PNPLA7: variants seen among roughly 807,000 people sequenced by gnomAD.
PNPLA7 encodes the protein patatin-like phospholipase domain-containing protein 7.
Under a neutral mutation model 161.7 loss-of-function variants are expected in PNPLA7, and 153 were observed. The ratio of observed to expected loss-of-function variants is 0.95; its 90% confidence interval spans 0.83 to 1.08. PNPLA7 has a LOEUF of 1.08. Among genes scored for constraint, PNPLA7 ranks in the 50% least tolerant of loss-of-function variants. The probability of loss-of-function intolerance (pLI) is 0.00; values close to 1 mark genes in which losing one functional copy is unlikely to be tolerated. For synonymous variants in PNPLA7, 809 were observed against 782.1 expected, an observed-to-expected ratio of 1.03 and a Z score of -0.57; for missense variants, 1,739 against 1,856.6, an observed-to-expected ratio of 0.94 and a Z score of 1.16.
intron 1 of PNPLA7, 85 bp downstream of exon 1, chr9:137,550,083 A>G (rs536483753): frequency 6.5e-7 from 1 of 1,545,594 alleles, no homozygotes; most frequent in South Asian, 1.1e-5. Context: ...AGCGCGGCAG[A>G]GCAGACGCCA....
In PNPLA7 at chr9:137,540,849, C is replaced by A. The variant is rs1235305428; in HGVS notation, c.667-127G>T. 1.3e-6 allele frequency: 1 copy of A among 777,714 alleles called. No individual in the cohort carries two copies. Among genetic ancestry groups the A allele is most frequent in the South Asian group, 1.5e-5 (1 of 65,930 alleles). The allele number at this position is 777,714 out of a possible 1,614,324, so 48.2% of individuals were successfully genotyped here. ...CACCTCTGAGGCGCCATGAGAGCAG[C>A]AGGCACCTTGGATGGAGGGCAGGGG... On this transcript the variant is annotated intron_variant, in intron 7 of 34. Transcript: ENST00000406427. The surrounding 1 kb of genome is among the most constrained non-coding windows in gnomAD (Gnocchi z 5.1).
At chr9:137,538,877 C>A (rs1386460731) in intron 8 of PNPLA7, among the ~76,000 whole-genome samples, 1 of 152,022 alleles carries the variant, frequency 6.6e-6, no homozygotes. Flanking sequence ...CATGGTGAAA[C>A]CCCGTCTGTA....
intron 4 of PNPLA7, among the ~76,000 whole-genome samples, chr9:137,545,784 T>C (rs916101194): frequency 1.1e-4 from 16 of 152,316 alleles, no homozygotes; most frequent in African/African-American, 2.4e-4. Context: ...AGCCTTCTGT[T>C]ATGCCCGGAC....
chr9:137,548,252 G>A (rs979089877), intron 1 of PNPLA7, among the ~76,000 whole-genome samples: 1 of 152,146 alleles, frequency 6.6e-6, no homozygotes, highest in Non-Finnish European at 1.5e-5. Flanking sequence ...AAGAGAAAAC[G>A]AGAAGACGAG....
chr9:137,470,378 A>ATCT (rs1831653634), intron 25 of PNPLA7, among the ~76,000 whole-genome samples: 3 of 152,158 alleles, frequency 2.0e-5, no homozygotes, highest in Admixed American at 1.3e-4. Context: ...AAAATTCACC[A>ATCT]GTGAAACCAT....
intron 12 of PNPLA7, chr9:137,509,365 A>G (rs34204672): frequency 0.68 from 114,005 of 168,266 alleles, 38,173 homozygotes; most frequent in East Asian, 0.86. Flanking sequence ...GAGTTTAGCT[A>G]GTACGAATGA....
At chr9:137,474,380 C>T (rs1831844628) in intron 25 of PNPLA7, among the ~76,000 whole-genome samples, 1 of 152,168 alleles carries the variant, frequency 6.6e-6, no homozygotes, top group South Asian at 2.1e-4. Flanking sequence ...GGCACTGCCA[C>T]TGCTGAGAGT....
In PNPLA7 at chr9:137,520,043, C is replaced by T; in HGVS notation, c.958G>A (p.Glu320Lys). ...LGLTTELFNA[E>K]SQAIPLVSVA... ...GACACGAGAGGGATGGCCTGGCTCT[C>T]CTGGGACACAAGAAGGAAGTTCAGT... The change falls in exon 11 of 35, where the codon GAG (glutamate) becomes AAG (lysine). Residue 320 changes from glutamate (E) to lysine (K), a missense_variant and splice_region_variant. Physicochemically the swap from Glu to Lys is moderately conservative, Grantham distance 56 (BLOSUM62 1). This residue lies in a region of PNPLA7 where 152 missense variants were observed against 193.5 expected (regional missense o/e 0.79). Coordinates refer to ENST00000406427, the MANE Select transcript of PNPLA7 (RefSeq NM_001098537.3). The surrounding 1 kb of genome is among the most constrained non-coding windows in gnomAD (Gnocchi z 5.2). 1 of 1,612,262 alleles carries T rather than the reference C, an allele frequency of 6.2e-7. No individual in the cohort carries two copies. The highest frequency in any genetic ancestry group is 8.5e-7 in the Non-Finnish European group (1 of 1,179,876).
rs954904877 is a variant in PNPLA7 at position 137,464,448 on chromosome 9, C to T, written c.3048G>A (p.Thr1016=). The T allele has an allele frequency of 3.0e-5, 48 of 1,613,622 alleles. No individual in the cohort carries two copies. Among genetic ancestry groups the T allele is most frequent in the Non-Finnish European group, 3.9e-5 (46 of 1,179,898 alleles). ...GGTCCAGCGCGGCCTTCATCAAGGA[C>T]GTCATGCCCTGGGGCCACATGTGGA... ...IRAKQWAEGM[T]SLMKAALDLT... is the part of the protein sequence containing the mutation. The change falls in exon 27 of 35, where the codon ACG becomes ACA. Residue 1016 remains threonine (T), a synonymous_variant. Transcript: ENST00000406427.
intron 8 of PNPLA7, among the ~76,000 whole-genome samples, chr9:137,536,769 T>C (rs11793453): frequency 0.25 from 34,631 of 140,084 alleles, 4,718 homozygotes; most frequent in East Asian, 0.68. Context: ...TCATCTCCCA[T>C]GACAGGAAGC....
At chr9:137,480,270 G>C (rs1234520963) in intron 23 of PNPLA7, 42 bp downstream of exon 23, 1 of 1,589,838 alleles carries the variant, frequency 6.3e-7, no homozygotes. Flanking sequence ...AGGTTCTGAA[G>C]AGAGGGCTCT....
chr9:137,489,564 G>A (rs28619226), intron 20 of PNPLA7, among the ~76,000 whole-genome samples: 1,810 of 152,256 alleles, frequency 0.012, 32 homozygotes, highest in East Asian at 0.057. Context: ...TGTCACAGAC[G>A]GAATTATTTC....
intron 30 of PNPLA7, 25 bp downstream of exon 30, chr9:137,462,660 C>T: frequency 3.1e-6 from 5 of 1,611,322 alleles, no homozygotes; most frequent in Non-Finnish European, 4.2e-6. Context: ...GCAGGGACAG[C>T]CCAGCCTGCC....
chr9:137,470,174 C>G (rs1278637078), intron 25 of PNPLA7, among the ~76,000 whole-genome samples: 2 of 152,004 alleles, frequency 1.3e-5, no homozygotes, highest in Non-Finnish European at 2.9e-5. Flanking sequence ...CCATATCACA[C>G]CCAGCTAATC....
intron 4 of PNPLA7, among the ~76,000 whole-genome samples, chr9:137,545,629 C>A (rs1005430901): frequency 2.0e-5 from 3 of 152,202 alleles, no homozygotes; most frequent in Non-Finnish European, 4.4e-5. Flanking sequence ...ATATGAATAT[C>A]ATTAATCATT....
At chr9:137,481,352 G>A (rs1231492604) in intron 21 of PNPLA7, among the ~76,000 whole-genome samples, 6 of 152,240 alleles carry the variant, frequency 3.9e-5, no homozygotes, top group Non-Finnish European at 5.9e-5. Flanking sequence ...GTCCTGCCAC[G>A]TGTGCAGGGC....
At chr9:137,466,274 A>C (rs1831456361) in intron 26 of PNPLA7, among the ~76,000 whole-genome samples, 1 of 152,168 alleles carries the variant, frequency 6.6e-6, no homozygotes, top group Non-Finnish European at 1.5e-5. Flanking sequence ...CAATCCTGGC[A>C]TCCATGTCAT....
At position 137,463,736 on chromosome 9, in the gene PNPLA7, G is replaced by A. The variant is rs78679347; in HGVS notation, c.3227-205C>T. The stretch of plus-strand genomic sequence containing the variant: ...CTGCATTACATGTGCCCAGGACTTC[G>A]AACTGCTGTGACCCCCTCACCCCAG... On this transcript the variant is annotated intron_variant, in intron 28 of 34. Coordinates refer to ENST00000406427, the MANE Select transcript of PNPLA7 (RefSeq NM_001098537.3). Among the ~76,000 whole-genome samples, 18 of 152,160 alleles carry A rather than the reference G, an allele frequency of 1.2e-4. No individual in the cohort carries two copies. The South Asian group carries it at 2.1e-3, about 18-fold the overall frequency.
chr9:137,535,503 C>T (rs1835834876), intron 8 of PNPLA7, among the ~76,000 whole-genome samples: 1 of 152,104 alleles, frequency 6.6e-6, no homozygotes, highest in Non-Finnish European at 1.5e-5. Flanking sequence ...ACCTGTAATC[C>T]CAGCACTTTG....
Sources: allele counts gnomAD v4.1 joint callset (sites outside exome capture counted in the v4.1 genomes callset), GRCh38; gene constraint gnomAD v4.1.1; regional missense constraint gnomAD v4.1.1; non-coding constraint Gnocchi (gnomAD v3.1); transcripts MANE v1.5; gene names NCBI Gene and HGNC (gene_info 2026-07-23, HGNC 2026-07-21).